Variants in FSIP1 observed in about 807,000 individuals in gnomAD.
FSIP1 encodes fibrous sheath interacting protein 1, also known as fibrous sheath-interacting protein 1.
A neutral mutation model predicts 60.9 loss-of-function variants in FSIP1; 65 were observed. The observed-to-expected ratio is 1.07, with a 90% CI of 0.87 to 1.31. The LOEUF (loss-of-function observed/expected upper bound fraction) is 1.31, where lower values mean the gene tolerates loss of function less well. Ranked by LOEUF, FSIP1 falls within the 40% of genes most tolerant of loss-of-function variation. FSIP1 has a pLI of 0.00. For synonymous variants in FSIP1, 209 were observed against 221.2 expected (o/e 0.94, Z 0.49); for missense variants, 675 against 665.5 (o/e 1.01, Z -0.16).
intron 1 of FSIP1, among the ~76,000 whole-genome samples, chr15:39,780,747 T>C (rs972550946): frequency 6.6e-6 from 1 of 152,158 alleles, no homozygotes; most frequent in Non-Finnish European, 1.5e-5. Context: ...CTTTTTGTCG[T>C]TGTTATTGTT....
chr15:39,719,964 G>A (rs867723512), intron 9 of FSIP1, among the ~76,000 whole-genome samples: 2 of 152,274 alleles, frequency 1.3e-5, no homozygotes, highest in South Asian at 2.1e-4. Context: ...CTCAAACCCA[G>A]AAATGCATGC....
At chr15:39,770,395 A>T in intron 3 of FSIP1, 32 bp downstream of exon 3, 1 of 1,434,182 alleles carries the variant, frequency 7.0e-7, no homozygotes, top group East Asian at 2.4e-5. Flanking sequence ...ATTTGTAATT[A>T]TCATTAGCCA....
At chr15:39,626,596 C>G (rs1050418363) in intron 10 of FSIP1, among the ~76,000 whole-genome samples, 8 of 152,068 alleles carry the variant, frequency 5.3e-5, no homozygotes, top group Admixed American at 6.6e-5. Flanking sequence ...GTGGTTTCCC[C>G]CATGCTGTTC....
intron 10 of FSIP1, among the ~76,000 whole-genome samples, chr15:39,638,738 A>G (rs1475003377): frequency 9.9e-5 from 15 of 152,156 alleles, no homozygotes; most frequent in Admixed American, 9.8e-4. Context: ...AGAAGGTAAT[A>G]ACAAGGAGGC....
intron 8 of FSIP1, among the ~76,000 whole-genome samples, chr15:39,735,319 T>C (rs182949532): frequency 6.6e-6 from 1 of 152,366 alleles, no homozygotes; most frequent in African/African-American, 2.4e-5. Context: ...GTAAAGCCTA[T>C]TGCTCCTAGG....
intron 9 of FSIP1, among the ~76,000 whole-genome samples, chr15:39,713,981 G>C (rs927717765): frequency 2.0e-5 from 3 of 152,210 alleles, no homozygotes; most frequent in African/African-American, 4.8e-5. Context: ...AAGCAGCTGT[G>C]TAATAATGGG....
intron 1 of FSIP1, among the ~76,000 whole-genome samples, chr15:39,777,796 C>T (rs562404808): frequency 1.2e-4 from 19 of 152,318 alleles, no homozygotes; most frequent in African/African-American, 4.6e-4. Flanking sequence ...ATACATTCAA[C>T]CATAACAGAA....
At chr15:39,729,068 C>T (rs1896307520) in intron 8 of FSIP1, among the ~76,000 whole-genome samples, 1 of 152,190 alleles carries the variant, frequency 6.6e-6, no homozygotes, top group Admixed American at 6.5e-5. Flanking sequence ...GTCAGAAAGG[C>T]CATTACTAAA....
At chr15:39,764,015 C>T (rs979595235) in intron 4 of FSIP1, 101 bp from the exon 5 acceptor site, 30 of 655,668 alleles carry the variant, frequency 4.6e-5, no homozygotes, top group African/African-American at 2.9e-4. Flanking sequence ...TACGTACAAA[C>T]GAGAAGTCTC....
At chr15:39,619,331 A>G (rs1891358448) in intron 10 of FSIP1, among the ~76,000 whole-genome samples, 1 of 152,192 alleles carries the variant, frequency 6.6e-6, no homozygotes, top group Non-Finnish European at 1.5e-5. Context: ...TGTTTAACTT[A>G]CCTATATTAA....
intron 11 of FSIP1, among the ~76,000 whole-genome samples, chr15:39,608,783 T>G (rs1471467381): frequency 6.6e-6 from 1 of 152,172 alleles, no homozygotes; most frequent in East Asian, 1.9e-4. Context: ...TCCAACCAAC[T>G]ATTTACAGAC....
chr15:39,678,978 TACAA>T (rs1894054253), intron 10 of FSIP1, among the ~76,000 whole-genome samples: 1 of 152,212 alleles, frequency 6.6e-6, no homozygotes, highest in African/African-American at 2.4e-5. Flanking sequence ...AAGTCCCTAC[TACAA>T]AGGTCTCAAA....
At chr15:39,776,138 G>A (rs967718196) in intron 2 of FSIP1, among the ~76,000 whole-genome samples, 3 of 137,722 alleles carry the variant, frequency 2.2e-5, no homozygotes, top group Non-Finnish European at 4.7e-5. Flanking sequence ...GGGAGGGAGG[G>A]AGGGGAGGAG....
chr15:39,639,235 G>A (rs1892259982), intron 10 of FSIP1, among the ~76,000 whole-genome samples: 1 of 152,100 alleles, frequency 6.6e-6, no homozygotes, highest in African/African-American at 2.4e-5. Context: ...AGGCCTGTGG[G>A]GAGTCCAGAG....
chr15:39,638,684 C>G (rs1356174427), intron 10 of FSIP1, among the ~76,000 whole-genome samples: 1 of 151,986 alleles, frequency 6.6e-6, no homozygotes, highest in Admixed American at 6.6e-5. Context: ...ACAAAATGTG[C>G]TTAGATGGGC....
intron 5 of FSIP1, among the ~76,000 whole-genome samples, chr15:39,751,390 T>C (rs951836239): frequency 5.6e-4 from 84 of 148,674 alleles, no homozygotes; most frequent in Non-Finnish European, 1.2e-4. Context: ...CATTGGCAGA[T>C]GAATGGATAA....
chr15:39,701,488 G>A (rs1180850045), intron 10 of FSIP1, among the ~76,000 whole-genome samples: 1 of 152,094 alleles, frequency 6.6e-6, no homozygotes, highest in African/African-American at 2.4e-5. Flanking sequence ...AACTGATGTT[G>A]TTCTCACTAG....
rs1372295917 is a variant in FSIP1, at chr15:39,600,373, A to G, written c.*507T>C. ...AGAAACGTGTCATCACCAATAAGAT[A>G]GTAAAGGCTCTTCTAATATTGCTTT... On this transcript the variant is annotated 3_prime_UTR_variant, in exon 12 of 12. Coordinates refer to ENST00000350221, the MANE Select transcript of FSIP1 (RefSeq NM_152597.5). 6.6e-6 allele frequency: 1 copy of G among 152,334 alleles called. No individual in the cohort carries two copies. The highest frequency in any genetic ancestry group is 2.4e-5 in the African/African-American group (1 of 41,470). 9.4% of individuals were successfully genotyped at this position (152,334 alleles called of 1,614,324 possible).
At chr15:39,605,248 C>T (rs1032927686) in intron 11 of FSIP1, among the ~76,000 whole-genome samples, 6 of 152,138 alleles carry the variant, frequency 3.9e-5, no homozygotes, top group Non-Finnish European at 8.8e-5. Flanking sequence ...CTGTCCCTAG[C>T]ATTAATTTAG....
Sources: allele counts gnomAD v4.1 joint callset (sites outside exome capture counted in the v4.1 genomes callset), GRCh38; gene constraint gnomAD v4.1.1; transcripts MANE v1.5; gene names NCBI Gene and HGNC (gene_info 2026-07-23, HGNC 2026-07-21).